The following GPC5 variants were observed in gnomAD, a reference collection of about 807,000 sequenced individuals.
GPC5 encodes the protein glypican 5.
GPC5 carries 47 observed loss-of-function variants against 53.9 expected under a neutral mutation model. That is an observed-to-expected ratio of 0.87 (90% CI 0.69 to 1.11). GPC5 has a LOEUF of 1.11. GPC5 is among the 50% of genes most tolerant of loss of function. The pLI, the probability that GPC5 is intolerant of heterozygous loss-of-function variation, is 0.00. For missense variants in GPC5, 748 were observed against 713.1 expected (o/e 1.05, Z -0.56); for synonymous variants, 286 against 263.3 (o/e 1.09, Z -0.84).
intron 6 of GPC5, among the ~76,000 whole-genome samples, chr13:92,048,741 T>A (rs1301277501): frequency 6.6e-6 from 1 of 152,228 alleles, no homozygotes; most frequent in African/African-American, 2.4e-5. Context: ...AATTTTTAAA[T>A]GTGTTTTATC....
At chr13:92,767,168 G>A (rs1465666426) in intron 7 of GPC5, among the ~76,000 whole-genome samples, 2 of 152,124 alleles carry the variant, frequency 1.3e-5, no homozygotes, top group Non-Finnish European at 2.9e-5. Flanking sequence ...TGTTAACGGT[G>A]TAAATTCAGA....
At chr13:91,971,456 T>C (rs1354374225) in intron 6 of GPC5, among the ~76,000 whole-genome samples, 4 of 152,230 alleles carry the variant, frequency 2.6e-5, no homozygotes. Flanking sequence ...ATTTTGTGTC[T>C]CTGTTTCCTT....
intron 2 of GPC5, among the ~76,000 whole-genome samples, chr13:91,493,142 A>C (rs563969511): frequency 1.3e-5 from 2 of 152,224 alleles, no homozygotes; most frequent in East Asian, 3.9e-4. Flanking sequence ...TGAACTTTTT[A>C]TTTACTCCAT....
chr13:91,438,331 G>A (rs1880145724), intron 1 of GPC5, among the ~76,000 whole-genome samples: 1 of 152,146 alleles, frequency 6.6e-6, no homozygotes, highest in African/African-American at 2.4e-5. Flanking sequence ...ACGTACAAAT[G>A]GGGTTTTGGT....
chr13:91,667,606 C>G (rs2035147239), intron 2 of GPC5, among the ~76,000 whole-genome samples: 1 of 152,136 alleles, frequency 6.6e-6, no homozygotes, highest in Admixed American at 6.5e-5. Context: ...GTCTCTCCCC[C>G]ATATCTCCCT....
chr13:92,405,570 A>G (rs1271472041), intron 7 of GPC5, among the ~76,000 whole-genome samples: 1 of 152,232 alleles, frequency 6.6e-6, no homozygotes, highest in Non-Finnish European at 1.5e-5. Flanking sequence ...GCAAAGTCAG[A>G]TAAGTGAAAT....
chr13:92,455,201 A>C (rs1193653574), intron 7 of GPC5, among the ~76,000 whole-genome samples: 2 of 152,310 alleles, frequency 1.3e-5, no homozygotes, highest in East Asian at 3.9e-4. Flanking sequence ...AGGAACTTAG[A>C]AACTTCATTA....
intron 1 of GPC5, among the ~76,000 whole-genome samples, chr13:91,431,943 G>T (rs1389686344): frequency 1.3e-5 from 2 of 152,182 alleles, no homozygotes; most frequent in Non-Finnish European, 2.9e-5. Flanking sequence ...TCCTTGAAAA[G>T]CAAGAGGTAA....
intron 2 of GPC5, among the ~76,000 whole-genome samples, chr13:91,655,471 T>C (rs1246465065): frequency 2.6e-5 from 4 of 152,100 alleles, no homozygotes; most frequent in Non-Finnish European, 5.9e-5. Context: ...ATATCACTTT[T>C]GTAATAAAAA....
intron 6 of GPC5, among the ~76,000 whole-genome samples, chr13:92,016,937 A>C (rs1249059853): frequency 6.6e-6 from 1 of 152,156 alleles, no homozygotes; most frequent in Non-Finnish European, 1.5e-5. Context: ...TAGGGAGTAC[A>C]GTGGCCTCAT....
intron 5 of GPC5, among the ~76,000 whole-genome samples, chr13:91,764,286 C>A (rs574224227): frequency 6.6e-6 from 1 of 152,160 alleles, no homozygotes; most frequent in Admixed American, 6.5e-5. Flanking sequence ...TCTATGAATG[C>A]GGCAATAATT....
intron 7 of GPC5, among the ~76,000 whole-genome samples, chr13:92,413,881 A>T (rs1876163278): frequency 6.6e-6 from 1 of 152,212 alleles, no homozygotes; most frequent in Non-Finnish European, 1.5e-5. Context: ...ACTTTTAAGA[A>T]ACATTAAATA....
At chr13:92,267,249 TTTTTTG>T (rs1394657776) in intron 7 of GPC5, among the ~76,000 whole-genome samples, 5 of 152,056 alleles carry the variant, frequency 3.3e-5, no homozygotes, top group African/African-American at 9.7e-5. Flanking sequence ...TAGCAAGGCT[TTTTTTG>T]TTTTTAAGAT....
chr13:92,088,537 C>T (rs538561007), intron 6 of GPC5, among the ~76,000 whole-genome samples: 1 of 152,258 alleles, frequency 6.6e-6, no homozygotes, highest in East Asian at 1.9e-4. Context: ...TCACCTCTTT[C>T]ACCTGCCTCC....
Position 91,448,799 on chromosome 13 carries a change from T to G in GPC5, c.202T>G (p.Cys68Gly). ...GGTTTGCATATCCAAAAAGCCTACA[T>G]GTTGCACCAGGAAGATGGAGGAGAG... ...LQVCISKKPTCCTRKMEERYQ... is the reference protein window; with the variant it reads ...LQVCISKKPTGCTRKMEERYQ... Residue 68 changes from cysteine (C) to glycine (G), a missense_variant, in exon 2 of 8, where the codon TGT becomes GGT. Transcript: ENST00000377067. 6.2e-7 allele frequency: 1 copy of G among 1,613,774 alleles called. No homozygotes were observed.
chr13:91,886,337 C>T (rs2039322067), intron 5 of GPC5, among the ~76,000 whole-genome samples: 1 of 152,308 alleles, frequency 6.6e-6, no homozygotes, highest in Non-Finnish European at 1.5e-5. Flanking sequence ...CCCACTGGGC[C>T]TCTCCCATGA....
chr13:92,557,060 AT>A (rs1449629456), intron 7 of GPC5, among the ~76,000 whole-genome samples: 1 of 150,222 alleles, frequency 6.7e-6, no homozygotes, highest in African/African-American at 2.4e-5. Context: ...CTTGATATTC[AT>A]TTTTTTTGGT....
intron 7 of GPC5, among the ~76,000 whole-genome samples, chr13:92,308,103 T>A (rs1477321792): frequency 1.3e-5 from 2 of 152,174 alleles, no homozygotes; most frequent in Admixed American, 6.5e-5. Flanking sequence ...AAAGTATGGT[T>A]TGTGGGATCA....
chr13:92,769,756 G>T (rs1405838481), intron 7 of GPC5, among the ~76,000 whole-genome samples: 1 of 152,010 alleles, frequency 6.6e-6, no homozygotes, highest in African/African-American at 2.4e-5. Context: ...AACCCCAAAG[G>T]TGATAGATAT....
Sources: gnomAD v4.1 joint callset for allele counts (sites outside exome capture counted in the v4.1 genomes callset) on GRCh38, gnomAD v4.1.1 for gene constraint, MANE v1.5 for transcripts, NCBI Gene and HGNC (gene_info 2026-07-23, HGNC 2026-07-21) for gene names.